The following PCDHA7 variants were observed in gnomAD, a reference collection of about 807,000 sequenced individuals.
PCDHA7 encodes protocadherin alpha 7.
PCDHA7 carries 37 observed loss-of-function variants against 57.2 expected under a neutral mutation model. That is an observed-to-expected ratio of 0.65 (90% confidence interval 0.50 to 0.85). The LOEUF is 0.85. PCDHA7 is among the 40% of genes least tolerant of loss of function. The pLI is 0.00. For synonymous variants in PCDHA7, 553 were observed against 558.8 expected (o/e 0.99, Z 0.15); for missense variants, 1,188 against 1,241.8 (o/e 0.96, Z 0.65).
intron 1 of PCDHA7, chr5:140,883,696 G>A (rs142212706): frequency 6.2e-7 from 1 of 1,613,818 alleles, no homozygotes; most frequent in Non-Finnish European, 8.5e-7. Flanking sequence ...ACATCTTCAC[G>A]GTGTCTGCTC....
chr5:140,967,969 C>T (rs997628696), intron 1 of PCDHA7: 3 of 1,614,064 alleles, frequency 1.9e-6, no homozygotes, highest in African/African-American at 1.3e-5. Flanking sequence ...GGAAAGTGAG[C>T]CTGGGTCTGG....
chr5:140,985,338 A>G (rs2153836548), intron 3 of PCDHA7, among the ~76,000 whole-genome samples: 1 of 152,280 alleles, frequency 6.6e-6, no homozygotes, highest in South Asian at 2.1e-4. Flanking sequence ...TCTCATTTGC[A>G]GGCCCAGATA....
intron 1 of PCDHA7, among the ~76,000 whole-genome samples, chr5:140,909,670 G>C (rs940080549): frequency 6.6e-6 from 1 of 152,142 alleles, no homozygotes; most frequent in African/African-American, 2.4e-5. Flanking sequence ...CACTCTACCA[G>C]TCAGGGAGCC....
At chr5:140,928,298 C>T in intron 1 of PCDHA7, 2 of 1,614,128 alleles carry the variant, frequency 1.2e-6, no homozygotes, top group South Asian at 1.1e-5. Context: ...CGAGTGTTTG[C>T]CCAGGACCCC....
chr5:140,994,417 T>C (rs1401833924), intron 3 of PCDHA7, among the ~76,000 whole-genome samples: 1 of 152,078 alleles, frequency 6.6e-6, no homozygotes, highest in East Asian at 1.9e-4. Context: ...ATACTGGATA[T>C]TGAGGCCGGG....
intron 1 of PCDHA7, chr5:140,870,979 T>C: frequency 6.2e-7 from 1 of 1,613,556 alleles, no homozygotes; most frequent in Non-Finnish European, 8.5e-7. Flanking sequence ...CGTGGGGCTG[T>C]ACACGGGCGA....
At position 140,836,100 on chromosome 5, in the gene PCDHA7, A is replaced by C. The variant is rs2150252810; in HGVS notation, c.1717A>C (p.Thr573Pro). The stretch of plus-strand genomic sequence containing the variant: ...ACTGCTGGCGCCTCGGGTGGGTGGC[A>C]CTGGTGGCGCAGTGAGAGAGCTTGT... The part of the protein sequence containing the change: ...PALLAPRVGG[T>P]GGAVRELVPR... Residue 573 changes from threonine (T) to proline (P), a missense_variant, in exon 1 of 4, where the codon ACT (threonine) becomes CCT (proline). By Grantham distance (38) the Thr-to-Pro change is conservative. Coordinates refer to ENST00000525929, the MANE Select transcript of PCDHA7 (RefSeq NM_018910.3). 14 of 1,613,582 alleles carry C rather than the reference A, an allele frequency of 8.7e-6. No individual in the cohort carries two copies. Among genetic ancestry groups the C allele is most frequent in the Non-Finnish European group, 1.2e-5 (14 of 1,179,788 alleles).
intron 3 of PCDHA7, among the ~76,000 whole-genome samples, chr5:141,007,846 A>G (rs1368916424): frequency 6.6e-6 from 1 of 152,176 alleles, no homozygotes. Flanking sequence ...TAGAGACTCA[A>G]AGTCCTTAAA....
intron 1 of PCDHA7, chr5:140,928,025 G>T: frequency 6.2e-7 from 1 of 1,614,148 alleles, no homozygotes; most frequent in South Asian, 1.1e-5. Flanking sequence ...GTCATTTGTG[G>T]CATGTCTAGT....
rs1299292999 is a variant in PCDHA7, at chr5:140,940,635, T to G, written c.2356-38314T>G. Among the ~76,000 whole-genome samples the G allele has an allele frequency of 5.3e-5, 8 of 152,214 alleles. 1 individual carries two copies. The highest frequency in any genetic ancestry group is 5.2e-4 in the Admixed American group (8 of 15,286). On this transcript the variant is annotated intron_variant, in intron 1 of 3. Coordinates refer to ENST00000525929, the MANE Select transcript of PCDHA7 (RefSeq NM_018910.3). ...GCTCCTGCAAATATTCTTAAGCTTG[T>G]CATTTATTTATTTAAATATATTAAA...
At chr5:140,967,406 G>A in intron 1 of PCDHA7, 1 of 1,613,006 alleles carries the variant, frequency 6.2e-7, no homozygotes, top group Non-Finnish European at 8.5e-7. Flanking sequence ...GCTGCGTAAG[G>A]GCCTAGACCG....
chr5:140,936,000 C>G (rs370629183), intron 1 of PCDHA7, among the ~76,000 whole-genome samples: 1 of 150,536 alleles, frequency 6.6e-6, no homozygotes, highest in African/African-American at 2.4e-5. Flanking sequence ...TCAAGCGATT[C>G]TCCCACCTCA....
At chr5:140,982,240 A>G (rs1257297614) in intron 2 of PCDHA7, 14 of 694,558 alleles carry the variant, frequency 2.0e-5, no homozygotes, top group Admixed American at 3.6e-5. Flanking sequence ...CAGAATTGCC[A>G]TAAAGATAGA....
chr5:140,877,015 G>C (rs371309003), intron 1 of PCDHA7: 9 of 1,612,358 alleles, frequency 5.6e-6, no homozygotes, highest in Non-Finnish European at 7.6e-6. Context: ...CGCGGAGAGC[G>C]GCAAGGTGTA....
Position 140,836,659 on chromosome 5 carries a change from G to A in PCDHA7, c.2276G>A (p.Cys759Tyr). 6.2e-7 allele frequency: 1 copy of A among 1,613,452 alleles called. No individual in the cohort carries two copies. Among genetic ancestry groups the A allele is most frequent in the South Asian group, 1.1e-5 (1 of 91,066 alleles). The part of the protein sequence containing the change: ...SFSQQRRQRV[C>Y]SGEGPPKTDL... ...TCCCAGCAGAGGCGGCAGAGGGTGT[G>A]CTCTGGGGAGGGCCCACCCAAGACA... The change falls in exon 1 of 4, where the codon TGC (cysteine) becomes TAC (tyrosine). Residue 759 changes from cysteine to tyrosine, a missense_variant. Cys to Tyr is a radical substitution (Grantham distance 194, BLOSUM62 -2). Transcript: ENST00000525929.
At chr5:140,876,388 G>A in intron 1 of PCDHA7, 2 of 1,613,896 alleles carry the variant, frequency 1.2e-6, no homozygotes, top group Non-Finnish European at 1.7e-6. Context: ...TAGAATTTAT[G>A]GTGAACTGGA....
At chr5:140,858,305 C>A in intron 1 of PCDHA7, 1 of 1,597,172 alleles carries the variant, frequency 6.3e-7, no homozygotes. Context: ...GCAGCAGAGG[C>A]GGCAGAGGGT....
rs2150424044 is a variant in PCDHA7, at chr5:140,848,904, C to G, written c.2355+12166C>G. ...CAACCCTCCAGTGTTCCCAGCGACACAAAAGAATCTGTTCATCGCGGAATC... is the reference window on the plus strand; with the variant it reads ...CAACCCTCCAGTGTTCCCAGCGACAGAAAAGAATCTGTTCATCGCGGAATC... On this transcript the variant is annotated intron_variant, in intron 1 of 3. Coordinates refer to ENST00000525929, the MANE Select transcript of PCDHA7 (RefSeq NM_018910.3). 1 of 1,608,060 alleles carries G rather than the reference C, an allele frequency of 6.2e-7. No individual in the cohort carries two copies. Among genetic ancestry groups the G allele is most frequent in the Non-Finnish European group, 8.5e-7 (1 of 1,176,922 alleles).
chr5:140,925,647 A>AATAATAATC (rs1477954591), intron 1 of PCDHA7, among the ~76,000 whole-genome samples: 5 of 123,794 alleles, frequency 4.0e-5, no homozygotes, highest in Non-Finnish European at 7.0e-5. Flanking sequence ...AAAGTATAAT[A>AATAATAATC]ATAATAATAA....
Sources: gnomAD v4.1 joint callset for allele counts (sites outside exome capture counted in the v4.1 genomes callset) on GRCh38, gnomAD v4.1.1 for gene constraint, MANE v1.5 for transcripts, NCBI Gene and HGNC (gene_info 2026-07-23, HGNC 2026-07-21) for gene names.